CCDC148: variants seen among roughly 807,000 people sequenced by gnomAD.
The protein encoded by CCDC148 is coiled-coil domain-containing protein 148.
CCDC148 carries 89 observed loss-of-function variants against 85.7 expected under a neutral mutation model. The observed-to-expected ratio is 1.04, with a 90% CI of 0.87 to 1.24. The LOEUF (loss-of-function observed/expected upper bound fraction) is 1.24, where lower values mean the gene tolerates loss of function less well. Ranked by LOEUF, CCDC148 falls within the 50% of genes most tolerant of loss-of-function variation. The pLI is 0.00. For missense variants in CCDC148, 692 were observed against 671.7 expected, an observed-to-expected ratio of 1.03 and a Z score of -0.33; for synonymous variants, 230 against 213.9, an observed-to-expected ratio of 1.08 and a Z score of -0.66.
At chr2:158,379,716 C>T (rs952652231) in intron 1 of CCDC148, among the ~76,000 whole-genome samples, 3 of 152,102 alleles carry the variant, frequency 2.0e-5, no homozygotes, top group Admixed American at 2.0e-4. Context: ...GATTATGACT[C>T]GCTGAGGCTG....
intron 7 of CCDC148, among the ~76,000 whole-genome samples, chr2:158,332,439 A>C: frequency 7.1e-6 from 1 of 140,194 alleles, no homozygotes. Context: ...TGCCCTTAAC[A>C]TTTTTTCCCT....
chr2:158,396,792 GACT>G (rs920529703), intron 1 of CCDC148, among the ~76,000 whole-genome samples: 1 of 151,946 alleles, frequency 6.6e-6, no homozygotes, highest in Non-Finnish European at 1.5e-5. Flanking sequence ...CAATGATGAT[GACT>G]ACTACTACTA....
At chr2:158,252,879 T>G (rs916890931) in intron 9 of CCDC148, among the ~76,000 whole-genome samples, 1 of 151,828 alleles carries the variant, frequency 6.6e-6, no homozygotes, top group Admixed American at 6.6e-5. Flanking sequence ...TAGCTTTTTG[T>G]ATGTACACTT....
At position 158,329,818 on chromosome 2, in the gene CCDC148, A is replaced by G. The variant is rs181083918; in HGVS notation, c.764+8908T>C. ...TGATTTGGTTCTCTGTTTGTCTGTT[A>G]TTGGTGTATAAGAATGCTTGTGATT... On this transcript the variant is annotated intron_variant, in intron 7 of 13. Coordinates refer to ENST00000283233, the MANE Select transcript of CCDC148 (RefSeq NM_138803.4). 1.5e-3 allele frequency among the ~76,000 whole-genome samples: 223 copies of G among 152,160 alleles called. 4 individuals are homozygous for G. In the East Asian group the frequency reaches 0.038, roughly 26 times the overall value.
chr2:158,298,722 A>G (rs1691309803), intron 9 of CCDC148, among the ~76,000 whole-genome samples: 1 of 152,086 alleles, frequency 6.6e-6, no homozygotes, highest in Admixed American at 6.5e-5. Context: ...ACCCATTTTT[A>G]TATATGCAAA....
chr2:158,282,732 C>G (rs1690390549), intron 9 of CCDC148, among the ~76,000 whole-genome samples: 1 of 152,078 alleles, frequency 6.6e-6, no homozygotes, highest in Non-Finnish European at 1.5e-5. Flanking sequence ...CAATGCCATC[C>G]CCATCAAGCT....
intron 5 of CCDC148, among the ~76,000 whole-genome samples, chr2:158,339,508 C>T (rs371944864): frequency 1.3e-5 from 2 of 152,034 alleles, no homozygotes; most frequent in Non-Finnish European, 2.9e-5. Context: ...AAAAAACCAC[C>T]TAAATTTTTA....
chr2:158,331,638 T>G (rs1693129473), intron 7 of CCDC148, among the ~76,000 whole-genome samples: 1 of 152,150 alleles, frequency 6.6e-6, no homozygotes, highest in Non-Finnish European at 1.5e-5. Flanking sequence ...TGTGTGGGAG[T>G]CTAAGTCTCT....
intron 1 of CCDC148, among the ~76,000 whole-genome samples, chr2:158,384,385 G>A (rs181113610): frequency 6.6e-6 from 1 of 152,272 alleles, no homozygotes; most frequent in East Asian, 1.9e-4. Context: ...AATCCCCAGT[G>A]CTGGAGGAGG....
At chr2:158,405,595 G>A (rs185580849) in intron 1 of CCDC148, among the ~76,000 whole-genome samples, 41 of 152,234 alleles carry the variant, frequency 2.7e-4, no homozygotes, top group African/African-American at 9.1e-4. Flanking sequence ...TTGAAAATAA[G>A]TGTAAAATAT....
At chr2:158,406,626 T>G (rs13421518) in intron 1 of CCDC148, among the ~76,000 whole-genome samples, 39 of 29,780 alleles carry the variant, frequency 1.3e-3, no homozygotes, top group East Asian at 1.9e-3. Flanking sequence ...TTTTTTTTTT[T>G]TTTTTTTTTT....
In CCDC148 at chr2:158,341,309, A is replaced by ATTTTTT. The variant is rs10552652; in HGVS notation, c.252-635_252-630dup. 2.2e-5 allele frequency among the ~76,000 whole-genome samples: 3 copies of ATTTTTT among 138,790 alleles called. 1 individual carries two copies. The highest frequency in any genetic ancestry group is 3.2e-5 in the Non-Finnish European group (2 of 63,266). 91.1% of individuals were successfully genotyped at this position (138,790 alleles called of 152,430 possible). ...TATGTATACATATGTGTACATACAT[A>ATTTTTT]TTTTTTTTTTTTTTTTGGACTGAGT... is the stretch of plus-strand genomic sequence containing the variant. On this transcript the variant is annotated intron_variant, in intron 3 of 13. Coordinates refer to ENST00000283233, the MANE Select transcript of CCDC148 (RefSeq NM_138803.4).
At chr2:158,335,291 CA>C (rs1682318337) in intron 7 of CCDC148, among the ~76,000 whole-genome samples, 1 of 152,180 alleles carries the variant, frequency 6.6e-6, no homozygotes, top group South Asian at 2.1e-4. Flanking sequence ...GAGCTTTGCT[CA>C]GGGTAGCCTA....
chr2:158,218,061 C>T (rs1423946210), intron 11 of CCDC148, among the ~76,000 whole-genome samples: 1 of 152,150 alleles, frequency 6.6e-6, no homozygotes, highest in Non-Finnish European at 1.5e-5. Context: ...GAATATACAT[C>T]TATAATATTA....
intron 11 of CCDC148, among the ~76,000 whole-genome samples, chr2:158,205,565 A>C (rs1686198426): frequency 6.6e-6 from 1 of 152,212 alleles, no homozygotes; most frequent in Non-Finnish European, 1.5e-5. Context: ...GTGTCCAGAG[A>C]CATAGGTAAC....
chr2:158,183,098 A>C (rs1165974872), intron 11 of CCDC148, among the ~76,000 whole-genome samples: 1 of 152,130 alleles, frequency 6.6e-6, no homozygotes, highest in Admixed American at 6.6e-5. Context: ...GAGTCTACAA[A>C]GGTTGAAAGT....
chr2:158,456,178 G>A (rs1258999729), intron 1 of CCDC148, among the ~76,000 whole-genome samples: 1 of 152,206 alleles, frequency 6.6e-6, no homozygotes, highest in East Asian at 1.9e-4. Flanking sequence ...TAGCTCATGT[G>A]TTGACGCTTT....
chr2:158,279,857 T>G (rs1029369282), intron 9 of CCDC148, among the ~76,000 whole-genome samples: 5 of 150,968 alleles, frequency 3.3e-5, no homozygotes, highest in Non-Finnish European at 7.4e-5. Flanking sequence ...AAGGAAAAAA[T>G]GTTAAGGGCA....
At chr2:158,217,417 TTTTGAGATGGCGTCTCGC>T (rs1686941412) in intron 11 of CCDC148, among the ~76,000 whole-genome samples, 1 of 148,944 alleles carries the variant, frequency 6.7e-6, no homozygotes, top group Non-Finnish European at 1.5e-5. Context: ...CATTTCATTT[TTTTGAGATGGCGTCTCGC>T]TCTGTTGCCC....
Sources: allele counts gnomAD v4.1 joint callset (sites outside exome capture counted in the v4.1 genomes callset), GRCh38; gene constraint gnomAD v4.1.1; transcripts MANE v1.5; gene names NCBI Gene and HGNC (gene_info 2026-07-23, HGNC 2026-07-21).